The following PSMD1 variants were observed in gnomAD, a reference collection of about 807,000 sequenced individuals.
PSMD1 encodes proteasome 26S subunit, non-ATPase 1.
PSMD1 carries 18 observed loss-of-function variants against 119.0 expected under a neutral mutation model. That is an observed-to-expected ratio of 0.15 (90% CI 0.10 to 0.22). The LOEUF (loss-of-function observed/expected upper bound fraction) is 0.22. Ranked by LOEUF, PSMD1 falls within the 10% of genes least tolerant of loss-of-function variation. The pLI, the probability that PSMD1 is intolerant of heterozygous loss-of-function variation, is 1.00. For missense variants in PSMD1, 702 were observed against 1,158.5 expected, an observed-to-expected ratio of 0.61 and a Z score of 5.72; for synonymous variants, 374 against 396.6, an observed-to-expected ratio of 0.94 and a Z score of 0.68.
At chr2:231,071,790 C>CCAACA (rs1694046727) in intron 6 of PSMD1, among the ~76,000 whole-genome samples, 4 of 151,902 alleles carry the variant, frequency 2.6e-5, no homozygotes, top group Admixed American at 2.6e-4. Flanking sequence ...TTGTCCTGGC[C>CCAACA]CAACACAACA....
chr2:231,130,951 A>G (rs1202358712), intron 16 of PSMD1, among the ~76,000 whole-genome samples: 2 of 152,232 alleles, frequency 1.3e-5, no homozygotes, highest in African/African-American at 2.4e-5. Context: ...AGAATTATTG[A>G]AAATAACTGA....
At chr2:231,129,679 G>A (rs148219398) in intron 16 of PSMD1, among the ~76,000 whole-genome samples, 159 of 152,274 alleles carry the variant, frequency 1.0e-3, no homozygotes, top group African/African-American at 3.6e-3. Context: ...AAACTGATAA[G>A]AGTTAAAAGC....
At chr2:231,086,133 T>G (rs78363488) in intron 15 of PSMD1, among the ~76,000 whole-genome samples, 6,598 of 152,116 alleles carry the variant, frequency 0.043, 226 homozygotes, top group Non-Finnish European at 0.066. Flanking sequence ...CTCAAACTAC[T>G]GGGCTCAAGT....
chr2:231,155,507 TA>T (rs35113044), intron 19 of PSMD1, among the ~76,000 whole-genome samples: 74,387 of 151,460 alleles, frequency 0.49, 21,643 homozygotes, highest in African/African-American at 0.81. Flanking sequence ...CCTCTTTCTT[TA>T]AAAAAAAATC....
intron 24 of PSMD1, 68 bp from the exon 25 acceptor site, chr2:231,172,466 AG>A (rs1385249241): frequency 1.3e-5 from 2 of 152,196 alleles, no homozygotes; most frequent in Admixed American, 6.5e-5. Flanking sequence ...AATAGTAAAG[AG>A]GAAAAAAAAG....
At chr2:231,162,419 G>A (rs529678547) in intron 20 of PSMD1, among the ~76,000 whole-genome samples, 1 of 152,268 alleles carries the variant, frequency 6.6e-6, no homozygotes, top group South Asian at 2.1e-4. Flanking sequence ...AAGTGTTTCG[G>A]TATTAAAACT....
intron 17 of PSMD1, among the ~76,000 whole-genome samples, chr2:231,144,598 G>A (rs980411996): frequency 3.3e-5 from 5 of 151,528 alleles, no homozygotes; most frequent in Non-Finnish European, 5.9e-5. Context: ...ATTTTTAGTA[G>A]AGAAGGGGTT....
At chr2:231,101,619 C>A (rs142396501) in intron 16 of PSMD1, among the ~76,000 whole-genome samples, 3 of 152,274 alleles carry the variant, frequency 2.0e-5, no homozygotes, top group African/African-American at 7.2e-5. Context: ...ACAGAGAAAT[C>A]TTTTGTGAAA....
chr2:231,131,118 G>A (rs1695843563), intron 16 of PSMD1, among the ~76,000 whole-genome samples: 1 of 152,084 alleles, frequency 6.6e-6, no homozygotes, highest in South Asian at 2.1e-4. Flanking sequence ...TGTTTCCCAT[G>A]GTATGAATTT....
chr2:231,120,980 T>A (rs1695521095), intron 16 of PSMD1, among the ~76,000 whole-genome samples: 1 of 152,238 alleles, frequency 6.6e-6, no homozygotes, highest in Non-Finnish European at 1.5e-5. Context: ...GTATTTGAAG[T>A]CAGGTTTCCA....
chr2:231,150,003 AG>A (rs1696336782), intron 18 of PSMD1, among the ~76,000 whole-genome samples: 2 of 152,176 alleles, frequency 1.3e-5, no homozygotes, highest in Admixed American at 1.3e-4. Context: ...ATGGGAGCAT[AG>A]GAAAAAAATT....
At chr2:231,085,776 G>T (rs1694417211) in intron 15 of PSMD1, among the ~76,000 whole-genome samples, 1 of 151,802 alleles carries the variant, frequency 6.6e-6, no homozygotes, top group Admixed American at 6.6e-5. Context: ...GTAGTTATCA[G>T]CAATAAGTAA....
chr2:231,058,672 A>G (rs752504846), intron 1 of PSMD1, among the ~76,000 whole-genome samples: 2 of 152,110 alleles, frequency 1.3e-5, no homozygotes, highest in African/African-American at 4.8e-5. Flanking sequence ...AAGGACCCAC[A>G]TGATCTGATT....
chr2:231,117,872 G>GA (rs557874047), intron 16 of PSMD1, among the ~76,000 whole-genome samples: 5 of 152,214 alleles, frequency 3.3e-5, no homozygotes, highest in South Asian at 2.1e-4. Context: ...CCCTAGGGGG[G>GA]AAAAAATTCT....
chr2:231,160,143 T>C (rs541449780), intron 19 of PSMD1, among the ~76,000 whole-genome samples: 1 of 152,370 alleles, frequency 6.6e-6, no homozygotes, highest in Non-Finnish European at 1.5e-5. Flanking sequence ...AGCTCTGATT[T>C]CATTCCTTTA....
chr2:231,124,302 A>G (rs2125234755), intron 16 of PSMD1, among the ~76,000 whole-genome samples: 2 of 152,308 alleles, frequency 1.3e-5, no homozygotes, highest in South Asian at 4.2e-4. Flanking sequence ...GAAACAGAAG[A>G]CACATTAATT....
intron 17 of PSMD1, among the ~76,000 whole-genome samples, chr2:231,139,623 A>T (rs1325152586): frequency 6.6e-6 from 1 of 151,542 alleles, no homozygotes; most frequent in Non-Finnish European, 1.5e-5. Context: ...TTGTTAAATA[A>T]CTACTCAGGT....
At chr2:231,087,842 A>G (rs1261572948) in intron 16 of PSMD1, among the ~76,000 whole-genome samples, 1 of 152,022 alleles carries the variant, frequency 6.6e-6, no homozygotes, top group East Asian at 1.9e-4. Flanking sequence ...CGCACCTGTA[A>G]TCTCAGCTAC....
intron 16 of PSMD1, chr2:231,124,177 G>A (rs1002362182): frequency 5.3e-5 from 10 of 187,946 alleles, no homozygotes; most frequent in Admixed American, 2.7e-4. Context: ...ATTTCTGAAA[G>A]TGGTAAAAAC....
Sources: allele counts gnomAD v4.1 joint callset (sites outside exome capture counted in the v4.1 genomes callset), GRCh38; gene constraint gnomAD v4.1.1; transcripts MANE v1.5; gene names NCBI Gene and HGNC (gene_info 2026-07-23, HGNC 2026-07-21).